Variants in CNTN5 observed in about 807,000 individuals in gnomAD.
The protein encoded by CNTN5 is contactin 5.
CNTN5 carries 77 observed loss-of-function variants against 129.1 expected under a neutral mutation model. That is an observed-to-expected ratio of 0.60 (90% CI 0.50 to 0.72). The LOEUF is 0.72. Among genes scored for constraint, CNTN5 ranks in the 30% least tolerant of loss-of-function variants. The pLI, the probability that CNTN5 is intolerant of heterozygous loss-of-function variation, is 0.00. For synonymous variants in CNTN5, 509 were observed against 465.6 expected, an observed-to-expected ratio of 1.09 and a Z score of -1.20; for missense variants, 1,478 against 1,328.8, an observed-to-expected ratio of 1.11 and a Z score of -1.75.
intron 8 of CNTN5, among the ~76,000 whole-genome samples, chr11:99,977,152 A>G (rs190226031): frequency 1.3e-5 from 2 of 152,326 alleles, no homozygotes; most frequent in East Asian, 3.9e-4. Context: ...TCCTTGCTAA[A>G]ATATAGCATG....
intron 2 of CNTN5, among the ~76,000 whole-genome samples, chr11:99,485,228 C>A (rs960859211): frequency 1.7e-5 from 2 of 118,656 alleles, no homozygotes; most frequent in South Asian, 3.3e-4. Context: ...AAAGCAAAAA[C>A]CCCCCAAAAT....
intron 2 of CNTN5, among the ~76,000 whole-genome samples, chr11:99,457,429 A>G (rs1374857871): frequency 6.6e-6 from 1 of 151,904 alleles, no homozygotes; most frequent in Non-Finnish European, 1.5e-5. Flanking sequence ...TGATCAGAGC[A>G]GTTTTAAAAA....
intron 13 of CNTN5, among the ~76,000 whole-genome samples, chr11:100,081,704 ACTT>A (rs1355786587): frequency 6.6e-6 from 1 of 152,202 alleles, no homozygotes; most frequent in Non-Finnish European, 1.5e-5. Flanking sequence ...TCCGTGTACT[ACTT>A]CTAGCAAAAG....
At chr11:99,734,538 A>G (rs570123074) in intron 3 of CNTN5, among the ~76,000 whole-genome samples, 17 of 152,276 alleles carry the variant, frequency 1.1e-4, no homozygotes, top group African/African-American at 4.1e-4. Context: ...GGATTACAAA[A>G]CATTATTATA....
Position 99,250,362 on chromosome 11 carries a change from A to G in CNTN5, c.-209-74984A>G, listed in dbSNP as rs77325337. ...TTCATTGAGTGTTGATTAATGTCTAATGCCCAATGTAATACCAGGAAATAC... is the reference window on the plus strand; with the variant it reads ...TTCATTGAGTGTTGATTAATGTCTAGTGCCCAATGTAATACCAGGAAATAC... On this transcript the variant is annotated intron_variant, in intron 1 of 24. Transcript: ENST00000524871. 7.9e-3 allele frequency among the ~76,000 whole-genome samples: 1,194 copies of G among 152,050 alleles called. 17 individuals are homozygous for G. The highest frequency in any genetic ancestry group is 0.026 in the African/African-American group (1,080 of 41,518).
chr11:99,800,784 A>T (rs1946090742), intron 3 of CNTN5, among the ~76,000 whole-genome samples: 1 of 152,026 alleles, frequency 6.6e-6, no homozygotes, highest in Non-Finnish European at 1.5e-5. Context: ...ATCTTCCTTA[A>T]GTCTTTTACA....
intron 15 of CNTN5, among the ~76,000 whole-genome samples, chr11:100,222,357 C>T (rs1236102540): frequency 6.6e-6 from 1 of 152,100 alleles, no homozygotes; most frequent in East Asian, 1.9e-4. Flanking sequence ...ATCTCGCTCT[C>T]CTGAATTCCT....
At chr11:100,176,069 G>C (rs951437512) in intron 13 of CNTN5, among the ~76,000 whole-genome samples, 1 of 152,014 alleles carries the variant, frequency 6.6e-6, no homozygotes, top group Non-Finnish European at 1.5e-5. Context: ...GCCCAGGCTA[G>C]AGTGCAGTGG....
At chr11:99,360,245 A>T (rs1237328549) in intron 2 of CNTN5, among the ~76,000 whole-genome samples, 1 of 152,120 alleles carries the variant, frequency 6.6e-6, no homozygotes, top group Non-Finnish European at 1.5e-5. Flanking sequence ...AGCAGCTCTG[A>T]CACATTAAAG....
intron 3 of CNTN5, among the ~76,000 whole-genome samples, chr11:99,669,666 C>A (rs1952955308): frequency 6.6e-6 from 1 of 152,102 alleles, no homozygotes; most frequent in Non-Finnish European, 1.5e-5. Flanking sequence ...TAAAGACCTA[C>A]AACGAATCCT....
At chr11:99,358,427 G>A (rs557747280) in intron 2 of CNTN5, among the ~76,000 whole-genome samples, 3 of 151,102 alleles carry the variant, frequency 2.0e-5, no homozygotes, top group Non-Finnish European at 4.4e-5. Flanking sequence ...CAGGCGTGGT[G>A]ATGTGCACCT....
intron 1 of CNTN5, among the ~76,000 whole-genome samples, chr11:99,271,140 A>C (rs1863151664): frequency 6.6e-6 from 1 of 151,908 alleles, no homozygotes; most frequent in Admixed American, 6.6e-5. Context: ...AAATAATCTT[A>C]TGTTGATATA....
At chr11:99,704,406 T>C (rs1425558531) in intron 3 of CNTN5, among the ~76,000 whole-genome samples, 1 of 151,078 alleles carries the variant, frequency 6.6e-6, no homozygotes, top group Non-Finnish European at 1.5e-5. Flanking sequence ...TAGACTTAAG[T>C]TGTGCACTCT....
intron 13 of CNTN5, among the ~76,000 whole-genome samples, chr11:100,178,242 C>T (rs1948030773): frequency 6.6e-6 from 1 of 152,134 alleles, no homozygotes; most frequent in Admixed American, 6.6e-5. Flanking sequence ...TTCCTAAAAG[C>T]AAAACACTAT....
At chr11:100,179,333 T>C (rs1591361160) in intron 13 of CNTN5, among the ~76,000 whole-genome samples, 1 of 152,092 alleles carries the variant, frequency 6.6e-6, no homozygotes, top group African/African-American at 2.4e-5. Flanking sequence ...CATCAGATAT[T>C]GGGCCAGTTT....
chr11:99,520,884 A>G (rs1591207697), intron 2 of CNTN5, among the ~76,000 whole-genome samples: 1 of 152,172 alleles, frequency 6.6e-6, no homozygotes. Flanking sequence ...GCTTTAAGGC[A>G]TCAAATAAAT....
In CNTN5 at chr11:100,350,761, A is replaced by G; in HGVS notation, c.3090A>G (p.Gln1030=). Residue 1030 remains glutamine (Q), a synonymous_variant, in exon 24 of 25, where the codon CAA becomes CAG. Coordinates refer to ENST00000524871, the MANE Select transcript of CNTN5 (RefSeq NM_014361.4). ...AAGTTATTGAAACACAGAAACTTCA[A>G]GCAGTAGTACCACTCCCAGATGCTG... ...NSQVIETQKL[Q]AVVPLPDAGV... 1 of 1,608,980 alleles carries G rather than the reference A, an allele frequency of 6.2e-7. No individual in the cohort carries two copies. Among genetic ancestry groups the G allele is most frequent in the East Asian group, 2.2e-5 (1 of 44,762 alleles).
intron 13 of CNTN5, among the ~76,000 whole-genome samples, chr11:100,088,348 T>G (rs1019165313): frequency 6.6e-6 from 1 of 151,694 alleles, no homozygotes; most frequent in African/African-American, 2.4e-5. Context: ...AAAAACAAAC[T>G]AAACCCAAAG....
At chr11:100,326,828 A>G (rs541741831) in intron 21 of CNTN5, among the ~76,000 whole-genome samples, 4 of 152,344 alleles carry the variant, frequency 2.6e-5, no homozygotes, top group Admixed American at 2.6e-4. Flanking sequence ...GCTGAAACCT[A>G]TCTGAAAAGA....
Sources: allele counts gnomAD v4.1 joint callset (sites outside exome capture counted in the v4.1 genomes callset), GRCh38; gene constraint gnomAD v4.1.1; transcripts MANE v1.5; gene names NCBI Gene and HGNC (gene_info 2026-07-23, HGNC 2026-07-21).